Variants in KDM4C observed in about 807,000 individuals in gnomAD.
KDM4C encodes lysine-specific demethylase 4C.
KDM4C carries 81 observed loss-of-function variants against 129.3 expected under a neutral mutation model. That is an observed-to-expected ratio of 0.63 (90% CI 0.52 to 0.75). The LOEUF (loss-of-function observed/expected upper bound fraction) is 0.75, where lower values mean the gene tolerates loss of function less well. KDM4C is among the 30% of genes least tolerant of loss of function. The pLI, the probability that KDM4C is intolerant of heterozygous loss-of-function variation, is 0.00. For missense variants in KDM4C, 1,457 were observed against 1,304.0 expected (o/e 1.12, Z -1.81); for synonymous variants, 573 against 456.1 (o/e 1.26, Z -3.26).
chr9:7,003,482 G>A (rs1586840160), intron 12 of KDM4C, among the ~76,000 whole-genome samples: 1 of 149,740 alleles, frequency 6.7e-6, no homozygotes, highest in Admixed American at 6.6e-5. Context: ...CCTTTGGAAT[G>A]TTTCTTATTT....
At position 6,888,190 on chromosome 9, in the gene KDM4C, A is replaced by G. The variant is rs1185772054; in HGVS notation, c.783+127A>G. ...GTAGAGAAATTCAAATTTATGTTTT[A>G]TAGCATATCAATTATTTATCTAAAT... On this transcript the variant is annotated intron_variant, in intron 7 of 21. Coordinates refer to ENST00000381309, the MANE Select transcript of KDM4C (RefSeq NM_015061.6). 4 of 437,728 alleles carry G rather than the reference A, an allele frequency of 9.1e-6. No homozygotes were observed. The East Asian group carries it at 1.1e-4, about 12-fold the overall frequency. The allele number at this position is 437,728 out of a possible 1,614,324, so 27.1% of individuals were successfully genotyped here.
chr9:7,065,582 A>G (rs1435384726), intron 17 of KDM4C, among the ~76,000 whole-genome samples: 1 of 152,226 alleles, frequency 6.6e-6, no homozygotes, highest in Non-Finnish European at 1.5e-5. Context: ...TATAATTTTA[A>G]TAGACTAATG....
At chr9:6,865,058 G>C (rs1290128580) in intron 5 of KDM4C, among the ~76,000 whole-genome samples, 3 of 147,334 alleles carry the variant, frequency 2.0e-5, no homozygotes, top group African/African-American at 5.0e-5. Context: ...GCCCAAGCTG[G>C]AGTGCAGTGA....
At chr9:6,966,629 G>A (rs896118771) in intron 8 of KDM4C, among the ~76,000 whole-genome samples, 4 of 151,858 alleles carry the variant, frequency 2.6e-5, no homozygotes, top group Middle Eastern at 3.2e-3. Context: ...CTTGGTTTAC[G>A]TCTAGATCTT....
chr9:6,937,730 C>G (rs72701487), intron 8 of KDM4C, among the ~76,000 whole-genome samples: 38,891 of 151,898 alleles, frequency 0.26, 5,430 homozygotes, highest in South Asian at 0.4. Flanking sequence ...TTAATTTTTT[C>G]AGACAGAGTC....
chr9:7,013,554 T>G (rs1563982317), intron 13 of KDM4C, among the ~76,000 whole-genome samples: 1 of 152,212 alleles, frequency 6.6e-6, no homozygotes, highest in South Asian at 2.1e-4. Flanking sequence ...GCCAGTTGCT[T>G]TCTTATATGA....
intron 1 of KDM4C, among the ~76,000 whole-genome samples, chr9:6,749,945 C>T (rs1001031303): frequency 7.9e-6 from 1 of 126,628 alleles, no homozygotes; most frequent in African/African-American, 3.1e-5. Context: ...AAGATTGTGC[C>T]ATTGTACTCC....
chr9:7,161,293 G>A (rs913465923), intron 19 of KDM4C, among the ~76,000 whole-genome samples: 6 of 152,182 alleles, frequency 3.9e-5, no homozygotes, highest in Admixed American at 3.3e-4. Context: ...TCCCAGCTGA[G>A]GTGATGCCCC....
chr9:6,859,057 T>C (rs1840447735), intron 5 of KDM4C, among the ~76,000 whole-genome samples: 1 of 152,216 alleles, frequency 6.6e-6, no homozygotes, highest in Non-Finnish European at 1.5e-5. Context: ...GTGTTCATTT[T>C]TTATAAGCTT....
chr9:6,836,430 C>G (rs958388509), intron 4 of KDM4C, among the ~76,000 whole-genome samples: 1 of 152,086 alleles, frequency 6.6e-6, no homozygotes, highest in Non-Finnish European at 1.5e-5. Flanking sequence ...TATATATGTA[C>G]AATATATTTA....
intron 8 of KDM4C, among the ~76,000 whole-genome samples, chr9:6,909,262 A>C (rs1818854753): frequency 6.6e-6 from 1 of 152,230 alleles, no homozygotes; most frequent in African/African-American, 2.4e-5. Flanking sequence ...CCTGGAGTTC[A>C]CGATGTGGCC....
intron 12 of KDM4C, among the ~76,000 whole-genome samples, chr9:7,009,427 G>C (rs563101630): frequency 6.6e-6 from 1 of 152,140 alleles, no homozygotes; most frequent in East Asian, 1.9e-4. Flanking sequence ...TTGAACTTTA[G>C]TGTGTACAGA....
At chr9:6,853,039 G>GT (rs1329207423) in intron 5 of KDM4C, among the ~76,000 whole-genome samples, 4 of 149,944 alleles carry the variant, frequency 2.7e-5, no homozygotes, top group Admixed American at 6.7e-5. Context: ...TTTTGTGTGT[G>GT]TTTTTTTTTC....
chr9:6,982,164 G>C (rs1816875985), intron 9 of KDM4C: 1 of 151,306 alleles, frequency 6.6e-6, no homozygotes, highest in Non-Finnish European at 1.5e-5. Flanking sequence ...TATTAACTAA[G>C]TAACACCATA....
At chr9:7,001,718 A>G (rs1308364381) in intron 12 of KDM4C, among the ~76,000 whole-genome samples, 1 of 149,872 alleles carries the variant, frequency 6.7e-6, no homozygotes, top group African/African-American at 2.4e-5. Flanking sequence ...TACATAGATG[A>G]CCAAAGCTGA....
At chr9:6,878,512 T>C (rs1843922213) in intron 5 of KDM4C, among the ~76,000 whole-genome samples, 1 of 152,286 alleles carries the variant, frequency 6.6e-6, no homozygotes, top group South Asian at 2.1e-4. Flanking sequence ...ATGATTCAGA[T>C]CCTAGGAGTA....
chr9:6,862,987 A>C (rs971570821), intron 5 of KDM4C, among the ~76,000 whole-genome samples: 3 of 152,112 alleles, frequency 2.0e-5, no homozygotes, highest in Non-Finnish European at 4.4e-5. Flanking sequence ...ATTATCATTT[A>C]TTTATTTGTT....
At position 6,788,805 on chromosome 9, in the gene KDM4C, G is replaced by T. The variant is rs116344945; in HGVS notation, c.-17-4167G>T. 3.2e-3 allele frequency among the ~76,000 whole-genome samples: 492 copies of T among 152,280 alleles called. 3 individuals are homozygous for T. The highest frequency in any genetic ancestry group is 0.011 in the African/African-American group (473 of 41,550). ...ACGCAGAGGGGGAGTTGGGAACACG[G>T]TGATGGGTCAGGCAGGCCTGTTCCA... On this transcript the variant is annotated intron_variant, in intron 1 of 21. Coordinates refer to ENST00000381309, the MANE Select transcript of KDM4C (RefSeq NM_015061.6).
At chr9:7,036,845 T>C (rs1187897151) in intron 15 of KDM4C, among the ~76,000 whole-genome samples, 2 of 152,208 alleles carry the variant, frequency 1.3e-5, no homozygotes, top group African/African-American at 4.8e-5. Flanking sequence ...GAGCACATCA[T>C]GGTGATTAAT....
Sources: allele counts gnomAD v4.1 joint callset (sites outside exome capture counted in the v4.1 genomes callset), GRCh38; gene constraint gnomAD v4.1.1; transcripts MANE v1.5; gene names NCBI Gene and HGNC (gene_info 2026-07-23, HGNC 2026-07-21).